The following OPCML variants were observed in gnomAD, a reference collection of about 807,000 sequenced individuals.
The protein encoded by OPCML is opioid binding protein/cell adhesion molecule like, also known as opioid-binding protein/cell adhesion molecule.
Under a neutral mutation model 37.8 loss-of-function variants are expected in OPCML, and 13 were observed. That is an observed-to-expected ratio of 0.34 (90% CI 0.22 to 0.55). The LOEUF is 0.55. OPCML is among the 20% of genes least tolerant of loss of function. The pLI is 0.91. For synonymous variants in OPCML, 176 were observed against 168.8 expected, an observed-to-expected ratio of 1.04 and a Z score of -0.33; for missense variants, 341 against 435.6, an observed-to-expected ratio of 0.78 and a Z score of 1.93.
chr11:132,792,086 T>G (rs1376700933), intron 2 of OPCML, among the ~76,000 whole-genome samples: 1 of 152,260 alleles, frequency 6.6e-6, no homozygotes, highest in Non-Finnish European at 1.5e-5. Context: ...GTTATAAAAG[T>G]ACAATGGGAG....
chr11:133,331,650 C>G (rs1250823840), intron 1 of OPCML, among the ~76,000 whole-genome samples: 2 of 152,124 alleles, frequency 1.3e-5, no homozygotes, highest in African/African-American at 4.8e-5. Flanking sequence ...AACTCTTGAC[C>G]TTTTACCTTT....
chr11:132,643,839 G>T (rs1410775535), intron 3 of OPCML, among the ~76,000 whole-genome samples: 1 of 152,148 alleles, frequency 6.6e-6, no homozygotes, highest in Non-Finnish European at 1.5e-5. Flanking sequence ...CTAGAAGTGT[G>T]TGTGTTTTGC....
chr11:132,469,349 G>T (rs1347675234), intron 4 of OPCML, among the ~76,000 whole-genome samples: 1 of 152,154 alleles, frequency 6.6e-6, no homozygotes, highest in African/African-American at 2.4e-5. Context: ...CACAGGGCAG[G>T]GCTCACACAT....
chr11:132,651,328 T>C (rs1044382597), intron 3 of OPCML, among the ~76,000 whole-genome samples: 11 of 152,340 alleles, frequency 7.2e-5, no homozygotes, highest in African/African-American at 2.6e-4. Flanking sequence ...CTTTCTGGTC[T>C]TGGAAAGGTG....
At chr11:133,491,264 A>G (rs942146257) in intron 1 of OPCML, among the ~76,000 whole-genome samples, 1 of 152,088 alleles carries the variant, frequency 6.6e-6, no homozygotes, top group Admixed American at 6.5e-5. Context: ...CTCACGTCCC[A>G]CCTATGTTGA....
At chr11:133,178,902 C>A (rs1433146799) in intron 1 of OPCML, among the ~76,000 whole-genome samples, 7 of 152,232 alleles carry the variant, frequency 4.6e-5, no homozygotes, top group Non-Finnish European at 5.9e-5. Context: ...AAGAAAAATT[C>A]TTCTATTTTG....
rs745810223 is a variant in OPCML, at chr11:133,140,835, AGAAGACGACGAC to A, written c.62-197837_62-197826del. Reference sequence around the variant, plus strand: ...ACGACGAAGAAGAAGACGACGACGAAGAAGACGACGACGACGACGAAGAAGACGACGACGACG... The same window carrying A: ...ACGACGAAGAAGAAGACGACGACGAAGACGACGAAGAAGACGACGACGACG... On this transcript the variant is annotated intron_variant, in intron 1 of 7. Transcript: ENST00000524381. Among the ~76,000 whole-genome samples the A allele has an allele frequency of 7.4e-3, 364 of 49,370 alleles. 17 individuals carry two copies. Among genetic ancestry groups the A allele is most frequent in the Middle Eastern group, 0.025 (3 of 118 alleles). 32.4% of individuals were successfully genotyped at this position (49,370 alleles called of 152,430 possible). A position where few individuals can be genotyped will look rare whatever the true frequency, so the allele number is the denominator to read the frequency against.
intron 2 of OPCML, among the ~76,000 whole-genome samples, chr11:132,682,314 G>T (rs904713394): frequency 6.6e-5 from 10 of 152,176 alleles, no homozygotes; most frequent in Non-Finnish European, 1.2e-4. Flanking sequence ...ATAAAAGGCA[G>T]CAAAGACCAC....
At chr11:132,996,444 C>T (rs1946886445) in intron 1 of OPCML, among the ~76,000 whole-genome samples, 1 of 148,772 alleles carries the variant, frequency 6.7e-6, no homozygotes, top group African/African-American at 2.5e-5. Flanking sequence ...TGGTGAAACC[C>T]CATCTCTACT....
intron 1 of OPCML, among the ~76,000 whole-genome samples, chr11:133,294,463 T>C (rs1209608173): frequency 1.3e-5 from 2 of 152,150 alleles, no homozygotes; most frequent in African/African-American, 2.4e-5. Flanking sequence ...GATAAGTTAA[T>C]GCATAGGGTT....
intron 2 of OPCML, among the ~76,000 whole-genome samples, chr11:132,664,016 T>G (rs61228404): frequency 0.034 from 5,183 of 152,098 alleles, 218 homozygotes; most frequent in African/African-American, 0.095. Context: ...GTATTTTTAG[T>G]AGAGAGGGGG....
intron 1 of OPCML, among the ~76,000 whole-genome samples, chr11:133,246,133 A>G (rs1940915714): frequency 6.6e-6 from 1 of 152,228 alleles, no homozygotes; most frequent in Non-Finnish European, 1.5e-5. Context: ...TTTAAAAAAA[A>G]TTAAAAAGAA....
intron 1 of OPCML, among the ~76,000 whole-genome samples, chr11:133,256,501 A>G (rs1366611798): frequency 6.6e-6 from 1 of 152,222 alleles, no homozygotes; most frequent in Non-Finnish European, 1.5e-5. Context: ...TTCCTTAGAG[A>G]AAAAACACTG....
intron 2 of OPCML, among the ~76,000 whole-genome samples, chr11:132,765,314 A>G (rs1946399254): frequency 1.3e-5 from 2 of 151,454 alleles, no homozygotes; most frequent in Admixed American, 1.3e-4. Flanking sequence ...AATCTGTAAC[A>G]TAATTACAAG....
intron 1 of OPCML, among the ~76,000 whole-genome samples, chr11:132,948,938 G>A (rs768226341): frequency 5.9e-5 from 9 of 152,290 alleles, no homozygotes; most frequent in Admixed American, 2.0e-4. Context: ...GTTGTATCCC[G>A]ATTACAGGGC....
chr11:132,539,524 GC>G (rs2096350167), intron 3 of OPCML, among the ~76,000 whole-genome samples: 2 of 152,224 alleles, frequency 1.3e-5, no homozygotes, highest in African/African-American at 4.8e-5. Context: ...TGCTGCTGCT[GC>G]TGCTGCTGAT....
chr11:132,936,399 CG>C (rs1409650567), intron 2 of OPCML, among the ~76,000 whole-genome samples: 2 of 152,112 alleles, frequency 1.3e-5, no homozygotes, highest in African/African-American at 4.8e-5. Context: ...AACCTGGACC[CG>C]TAGGCTGTTA....
chr11:132,706,362 C>T (rs1234486990), intron 2 of OPCML, among the ~76,000 whole-genome samples: 1 of 152,160 alleles, frequency 6.6e-6, no homozygotes. Flanking sequence ...GCCACCCCAA[C>T]AAAGCTGGTG....
intron 1 of OPCML, chr11:133,008,492 G>A (rs1287854278): frequency 9.0e-6 from 8 of 893,468 alleles, no homozygotes; most frequent in South Asian, 5.2e-5. Context: ...AGAGAAGAAC[G>A]TATTTCTCCA....
Sources: allele counts gnomAD v4.1 joint callset (sites outside exome capture counted in the v4.1 genomes callset), GRCh38; gene constraint gnomAD v4.1.1; transcripts MANE v1.5; gene names NCBI Gene and HGNC (gene_info 2026-07-23, HGNC 2026-07-21).